Variants in GGA1 observed in about 807,000 individuals in gnomAD.
GGA1 encodes the protein golgi associated, gamma adaptin ear containing, ARF binding protein 1.
Under a neutral mutation model 76.9 loss-of-function variants are expected in GGA1, and 18 were observed. The ratio of observed to expected loss-of-function variants is 0.23; its 90% CI spans 0.16 to 0.35. The LOEUF (loss-of-function observed/expected upper bound fraction) is 0.35, where lower values mean the gene tolerates loss of function less well. Ranked by LOEUF, GGA1 falls within the 10% of genes least tolerant of loss-of-function variation. The pLI, the probability that GGA1 is intolerant of heterozygous loss-of-function variation, is 1.00. For missense variants in GGA1, 755 were observed against 859.0 expected, an observed-to-expected ratio of 0.88 and a Z score of 1.51; for synonymous variants, 342 against 354.7, an observed-to-expected ratio of 0.96 and a Z score of 0.40.
chr22:37,628,504 G>T (rs761021120), intron 11 of GGA1, among the ~76,000 whole-genome samples: 2 of 152,202 alleles, frequency 1.3e-5, no homozygotes, highest in Non-Finnish European at 1.5e-5. Flanking sequence ...TTCTCGGGCA[G>T]GTTATTTACC....
intron 1 of GGA1, chr22:37,609,495 C>A (rs1017192285): frequency 1.1e-5 from 2 of 180,152 alleles, no homozygotes; most frequent in African/African-American, 4.8e-5. Context: ...GTCTTAGACT[C>A]CAGAAGTATT....
At position 37,632,366 on chromosome 22, in the gene GGA1, G is replaced by T. The variant is rs1315983490; in HGVS notation, c.1699-39G>T. 6 of 1,468,870 alleles carry T rather than the reference G, an allele frequency of 4.1e-6. No homozygotes were observed. The highest frequency in any genetic ancestry group is 5.7e-6 in the Non-Finnish European group (6 of 1,047,844). 91.0% of individuals were successfully genotyped at this position (1,468,870 alleles called of 1,614,324 possible). A position where few individuals can be genotyped will look rare whatever the true frequency, so the allele number is the denominator to read the frequency against. On this transcript the variant is annotated intron_variant, in intron 15 of 16. Coordinates refer to ENST00000343632, the MANE Select transcript of GGA1 (RefSeq NM_013365.5). The surrounding 1 kb of genome is among the most constrained non-coding windows in gnomAD (Gnocchi z 5.1). ...CTGGTTCCTCAGAGCAGGACAAGCA[G>T]CCAGGGCTAGCTGTGCCCATCCTGC... is the stretch of plus-strand genomic sequence containing the variant.
At position 37,630,057 on chromosome 22, in the gene GGA1, C is replaced by G; in HGVS notation, c.1218C>G (p.Ser406Arg). 1 of 1,605,558 alleles carries G rather than the reference C, an allele frequency of 6.2e-7. No homozygotes were observed. The highest frequency in any genetic ancestry group is 8.5e-7 in the Non-Finnish European group (1 of 1,174,046). ...PALAQAPSME[S>R]RPPAQTSLPA... ...TGGCCCAGGCCCCCAGTATGGAAAGCCGACCCCCAGCGCAGACATCCCTGC... is the reference window on the plus strand; with the variant it reads ...TGGCCCAGGCCCCCAGTATGGAAAGGCGACCCCCAGCGCAGACATCCCTGC... Residue 406 changes from serine (S) to arginine (R), a missense_variant, in exon 13 of 17, where the codon AGC (serine) becomes AGG (arginine). Coordinates refer to ENST00000343632, the MANE Select transcript of GGA1 (RefSeq NM_013365.5).
At position 37,625,888 on chromosome 22, in the gene GGA1, G is replaced by C; in HGVS notation, c.1032G>C (p.Gln344His). 6.2e-7 allele frequency: 1 copy of C among 1,610,720 alleles called. No homozygotes were observed. The highest frequency in any genetic ancestry group is 8.5e-7 in the Non-Finnish European group (1 of 1,178,990). Residue 344 changes from glutamine (Q) to histidine (H), a missense_variant, in exon 11 of 17, where the codon CAG becomes CAC. Coordinates refer to ENST00000343632, the MANE Select transcript of GGA1 (RefSeq NM_013365.5). The surrounding 1 kb of genome is among the most constrained non-coding windows in gnomAD (Gnocchi z 4.1). ...YPAMPTRPGE[Q>H]ASPEQPSASV... is the part of the protein sequence containing the mutation. ...CTATGCCCACCCGCCCTGGCGAGCAGGCCAGCCCTGAGCAGCCCAGTGCCT... is the reference window on the plus strand; with the variant it reads ...CTATGCCCACCCGCCCTGGCGAGCACGCCAGCCCTGAGCAGCCCAGTGCCT...
chr22:37,610,948 G>A (rs886754369), intron 1 of GGA1, among the ~76,000 whole-genome samples: 3 of 152,208 alleles, frequency 2.0e-5, no homozygotes, highest in Admixed American at 6.5e-5. Flanking sequence ...TGATGCCAGC[G>A]CTTCCTCTTC....
rs926751326 is a variant in GGA1, at chr22:37,625,734, C to T, written c.941-63C>T. ...GGTTAGGTGTTGCTCCCCCGCAACC[C>T]CTGTGGACTCTGAGAGACACGTGTA... On this transcript the variant is annotated intron_variant, in intron 10 of 16. Coordinates refer to ENST00000343632, the MANE Select transcript of GGA1 (RefSeq NM_013365.5). The surrounding 1 kb of genome is among the most constrained non-coding windows in gnomAD (Gnocchi z 4.1). The T allele has an allele frequency of 4.5e-6, 6 of 1,338,134 alleles. No individual in the cohort carries two copies. In the African/African-American group the frequency reaches 5.9e-5, roughly 13 times the overall value. The allele number at this position is 1,338,134 out of a possible 1,614,324, so 82.9% of individuals were successfully genotyped here.
In GGA1 at chr22:37,625,816, G is replaced by A; in HGVS notation, c.960G>A (p.Leu320=). 6.3e-7 allele frequency: 1 copy of A among 1,598,502 alleles called. No individual in the cohort carries two copies. Among genetic ancestry groups the A allele is most frequent in the Non-Finnish European group, 8.5e-7 (1 of 1,170,230 alleles). Reference sequence around the variant, plus strand: ...CCCCAGGGAGCACCTCGGCCCTGCTGGATCTCTCAGGCCTGGATCTCCCGC... The same window carrying A: ...CCCCAGGGAGCACCTCGGCCCTGCTAGATCTCTCAGGCCTGGATCTCCCGC... ...GSIPGSTSAL[L]DLSGLDLPPA... Residue 320 remains leucine (L), a synonymous_variant, in exon 11 of 17, where the codon CTG becomes CTA. Transcript: ENST00000343632. The surrounding 1 kb of genome is among the most constrained non-coding windows in gnomAD (Gnocchi z 4.1).
intron 4 of GGA1, among the ~76,000 whole-genome samples, chr22:37,619,344 C>T (rs8137336): frequency 0.012 from 1,819 of 148,776 alleles, 36 homozygotes; most frequent in African/African-American, 0.043. Flanking sequence ...GGATTACAGG[C>T]GTGAGCCACC....
chr22:37,609,218 C>A, intron 1 of GGA1: 2 of 1,254,252 alleles, frequency 1.6e-6, no homozygotes, highest in Non-Finnish European at 2.0e-6. Context: ...GCTCACATTG[C>A]TTCACGGAGT....
chr22:37,630,487 C>T (rs1262125393), intron 13 of GGA1, among the ~76,000 whole-genome samples: 1 of 152,186 alleles, frequency 6.6e-6, no homozygotes, highest in Non-Finnish European at 1.5e-5. Flanking sequence ...GCTGCTCCTT[C>T]TAAAGGTAAG....
At chr22:37,617,813 A>G (rs1929091456) in intron 3 of GGA1, 3 of 953,042 alleles carry the variant, frequency 3.1e-6, no homozygotes, top group Non-Finnish European at 3.7e-6. Context: ...TGTTGCCTAT[A>G]TAAGGTTTTT....
At chr22:37,615,080 A>G (rs1928499504) in intron 2 of GGA1, among the ~76,000 whole-genome samples, 1 of 152,192 alleles carries the variant, frequency 6.6e-6, no homozygotes, top group African/African-American at 2.4e-5. Flanking sequence ...GGGGAGGCCA[A>G]GGCGGGAGGA....
In GGA1 at chr22:37,625,125, G is replaced by A. The variant is rs1336164511; in HGVS notation, c.940+49G>A. On this transcript the variant is annotated intron_variant, in intron 10 of 16. Transcript: ENST00000343632. This position sits in a 1 kb window ranked among gnomAD's most constrained non-coding sequence, Gnocchi z 4.1. ...GGAGGGCACCCATCAGGCTGGAGGG[G>A]CACAGAGAGTGCAGGGTGGTGTGCT... is the stretch of plus-strand genomic sequence containing the variant. 6.8e-7 allele frequency: 1 copy of A among 1,473,948 alleles called. No homozygotes were observed. Among genetic ancestry groups the A allele is most frequent in the Non-Finnish European group, 9.3e-7 (1 of 1,077,238 alleles). 91.3% of individuals were successfully genotyped at this position (1,473,948 alleles called of 1,614,324 possible). A position where few individuals can be genotyped will look rare whatever the true frequency, so the allele number is the denominator to read the frequency against.
chr22:37,616,237 C>T (rs907123862), intron 2 of GGA1, among the ~76,000 whole-genome samples: 3 of 152,126 alleles, frequency 2.0e-5, no homozygotes, highest in Admixed American at 6.6e-5. Flanking sequence ...TGCTTGGGTA[C>T]GAGTCCTGTC....
chr22:37,621,644 A>G lies in GGA1; in HGVS notation c.557A>G (p.His186Arg). Residue 186 changes from histidine to arginine, a missense_variant, in exon 7 of 17, where the codon CAT becomes CGT. Coordinates refer to ENST00000343632, the MANE Select transcript of GGA1 (RefSeq NM_013365.5). ...CTGGCCCGCCTGCTGAAGAGCTCCC[A>G]TCCCGAAGACCTCCGCGCAGCCAAT... ...KMLARLLKSS[H>R]PEDLRAANKL... 2 of 1,554,180 alleles carry G rather than the reference A, an allele frequency of 1.3e-6. No homozygotes were observed. Among genetic ancestry groups the G allele is most frequent in the Non-Finnish European group, 1.7e-6 (2 of 1,148,262 alleles).
intron 1 of GGA1, among the ~76,000 whole-genome samples, chr22:37,610,887 C>T (rs550588789): frequency 6.6e-6 from 1 of 152,332 alleles, no homozygotes; most frequent in Non-Finnish European, 1.5e-5. Flanking sequence ...CTCCTTGGAT[C>T]TGGAGGCCCT....
At chr22:37,631,936 G>C in intron 14 of GGA1, 60 bp from the exon 15 acceptor site, 3 of 1,483,228 alleles carry the variant, frequency 2.0e-6, no homozygotes, top group South Asian at 1.2e-5. Context: ...GTGGGGGCTG[G>C]GGGCTGAGCG....
intron 14 of GGA1, 45 bp downstream of exon 14, chr22:37,631,144 C>A: frequency 7.0e-7 from 1 of 1,422,094 alleles, no homozygotes; most frequent in Non-Finnish European, 9.5e-7. Flanking sequence ...GGTCAGCTTG[C>A]TGCCCTGTCA....
In GGA1 at chr22:37,624,987, A is replaced by G. The variant is rs756451398; in HGVS notation, c.851A>G (p.Asn284Ser). 1.6e-5 allele frequency: 25 copies of G among 1,592,626 alleles called. No individual in the cohort carries two copies. Among genetic ancestry groups the G allele is most frequent in the East Asian group, 4.5e-5 (2 of 44,160 alleles). Residue 284 changes from asparagine (N) to serine (S), a missense_variant, in exon 10 of 17, where the codon AAT becomes AGT. By Grantham distance (46) the Asn-to-Ser change is conservative (BLOSUM62 1). Coordinates refer to ENST00000343632, the MANE Select transcript of GGA1 (RefSeq NM_013365.5). This position sits in a 1 kb window ranked among gnomAD's most constrained non-coding sequence, Gnocchi z 4.3. ...DEALAEILQA[N>S]DNLTQVINLY... ...GTTCCAGCGGAGATCCTGCAGGCCA[A>G]TGACAACCTCACCCAGGTGATCAAC...
Sources: gnomAD v4.1 joint callset for allele counts (sites outside exome capture counted in the v4.1 genomes callset) on GRCh38, gnomAD v4.1.1 for gene constraint, Gnocchi (gnomAD v3.1) non-coding constraint, MANE v1.5 for transcripts, NCBI Gene and HGNC (gene_info 2026-07-23, HGNC 2026-07-21) for gene names.